Variants in ARID3B observed in about 807,000 individuals in gnomAD.
ARID3B encodes the protein AT-rich interaction domain 3B, also known as AT-rich interactive domain-containing protein 3B.
A neutral mutation model predicts 51.9 loss-of-function variants in ARID3B; 10 were observed. The observed-to-expected ratio is 0.19, with a 90% CI of 0.12 to 0.33. The LOEUF is 0.33. Among genes scored for constraint, ARID3B ranks in the 10% least tolerant of loss-of-function variants. ARID3B has a pLI of 1.00. For synonymous variants in ARID3B, 205 were observed against 279.5 expected (o/e 0.73, Z 2.66); for missense variants, 483 against 716.3 (o/e 0.67, Z 3.72).
intron 5 of ARID3B, among the ~76,000 whole-genome samples, chr15:74,590,746 A>G (rs1341479997): frequency 1.3e-5 from 2 of 152,298 alleles, no homozygotes; most frequent in East Asian, 1.9e-4. Context: ...GACACAAAGA[A>G]TGACAGTGTC....
At chr15:74,565,509 T>A (rs1012775155) in intron 2 of ARID3B, among the ~76,000 whole-genome samples, 1 of 152,196 alleles carries the variant, frequency 6.6e-6, no homozygotes, top group Non-Finnish European at 1.5e-5. Flanking sequence ...CAAGGAAGGG[T>A]TAACCCTTGC....
At chr15:74,557,379 C>G (rs894049976) in intron 2 of ARID3B, among the ~76,000 whole-genome samples, 1 of 151,738 alleles carries the variant, frequency 6.6e-6, no homozygotes, top group Non-Finnish European at 1.5e-5. Flanking sequence ...TGGTGCCATG[C>G]ACTCCAGCCT....
intron 2 of ARID3B, among the ~76,000 whole-genome samples, chr15:74,560,933 A>G (rs2061677681): frequency 6.6e-6 from 1 of 152,116 alleles, no homozygotes; most frequent in African/African-American, 2.4e-5. Context: ...CCGGTGATAT[A>G]TTTTCCCAAA....
chr15:74,589,768 TCTC>T, intron 4 of ARID3B, 49 bp from the exon 5 acceptor site: 4 of 1,538,972 alleles, frequency 2.6e-6, no homozygotes, highest in Middle Eastern at 4.6e-4. Context: ...GAATCTTTCT[TCTC>T]AGCCTGATGA....
At chr15:74,592,853 C>G (rs561085650) in intron 7 of ARID3B, among the ~76,000 whole-genome samples, 19 of 152,324 alleles carry the variant, frequency 1.2e-4, no homozygotes, top group African/African-American at 2.6e-4. Context: ...TTGGAAAGTG[C>G]CAGTGCAGAG....
At chr15:74,579,487 G>T (rs1203872444) in intron 4 of ARID3B, among the ~76,000 whole-genome samples, 1 of 152,076 alleles carries the variant, frequency 6.6e-6, no homozygotes, top group Admixed American at 6.5e-5. Flanking sequence ...GAATGAGAGG[G>T]TTCAATTAGT....
intron 4 of ARID3B, among the ~76,000 whole-genome samples, chr15:74,588,431 C>G (rs563375147): frequency 6.6e-6 from 1 of 152,202 alleles, no homozygotes; most frequent in East Asian, 1.9e-4. Flanking sequence ...AACAGCTCTT[C>G]CCTGCTCAGG....
At chr15:74,582,861 G>A (rs950630646) in intron 4 of ARID3B, among the ~76,000 whole-genome samples, 1 of 152,104 alleles carries the variant, frequency 6.6e-6, no homozygotes, top group Non-Finnish European at 1.5e-5. Context: ...ATAAATAAAT[G>A]TAGCATAGTC....
rs762603944 is a variant in ARID3B at position 74,544,241 on chromosome 15, A to T, written c.305A>T (p.Asp102Val). The T allele has an allele frequency of 6.2e-7, 1 of 1,614,052 alleles. No individual in the cohort carries two copies. Among genetic ancestry groups the T allele is most frequent in the African/African-American group, 1.3e-5 (1 of 74,946 alleles). Residue 102 changes from aspartate to valine, a missense_variant, in exon 2 of 9, where the codon GAT becomes GTT. Physicochemically the swap from Asp to Val is radical, Grantham distance 152. This residue lies in a region of ARID3B where 182 missense variants were observed against 244.5 expected (regional missense o/e 0.74). Coordinates refer to ENST00000346246, the MANE Select transcript of ARID3B (RefSeq NM_006465.4). ...EEEDGGLEDE[D>V]GDDEVAEVAE... Reference sequence around the variant, plus strand: ...GAGGACGGAGGTTTGGAAGATGAGGATGGGGATGATGAAGTTGCAGAGGTG... The same window carrying T: ...GAGGACGGAGGTTTGGAAGATGAGGTTGGGGATGATGAAGTTGCAGAGGTG...
intron 4 of ARID3B, among the ~76,000 whole-genome samples, chr15:74,576,947 CT>C (rs1003142070): frequency 6.6e-6 from 1 of 152,216 alleles, no homozygotes; most frequent in Non-Finnish European, 1.5e-5. Flanking sequence ...GATGGGTCAG[CT>C]GGCATGAGAC....
intron 2 of ARID3B, among the ~76,000 whole-genome samples, chr15:74,555,286 A>G (rs2061653465): frequency 6.6e-6 from 1 of 152,078 alleles, no homozygotes; most frequent in African/African-American, 2.4e-5. Context: ...TGGCTGTGGC[A>G]ATTTCATAGA....
Position 74,543,913 on chromosome 15 carries a change from CTG to C in ARID3B, c.-21_-20del. 1 of 1,592,190 alleles carries C rather than the reference CTG, an allele frequency of 6.3e-7. No homozygotes were observed. Among genetic ancestry groups the C allele is most frequent in the Non-Finnish European group, 8.6e-7 (1 of 1,169,320 alleles). On this transcript the variant is annotated 5_prime_UTR_variant, in exon 2 of 9. The change abolishes the stop of an existing upstream ORF in the 5' untranslated region. Transcript: ENST00000346246. ...TGCCCAGGTTCAGAGTCATGCCACT[CTG>C]TGGGTGAAGCTTGAGGCAAAAATGG...
At position 74,563,894 on chromosome 15, in the gene ARID3B, C is replaced by T. The variant is rs74025814; in HGVS notation, c.553-8968C>T. Among the ~76,000 whole-genome samples, 742 of 152,298 alleles carry T rather than the reference C, an allele frequency of 4.9e-3. 12 individuals are homozygous for T. The highest frequency in any genetic ancestry group is 0.017 in the African/African-American group (706 of 41,570). The stretch of plus-strand genomic sequence containing the variant: ...TTCTGGGAAGTCTTCTTGATCATTG[C>T]ATGGAGTGATTCTGTGCTTAGTGGA... On this transcript the variant is annotated intron_variant, in intron 2 of 8. Transcript: ENST00000346246.
intron 2 of ARID3B, among the ~76,000 whole-genome samples, chr15:74,566,631 T>C (rs1379203727): frequency 6.6e-6 from 1 of 151,416 alleles, no homozygotes; most frequent in Non-Finnish European, 1.5e-5. Flanking sequence ...ACTAAATAAA[T>C]TTTGTGAAGG....
chr15:74,594,191 G>A (rs187952641), intron 8 of ARID3B, among the ~76,000 whole-genome samples: 2 of 152,310 alleles, frequency 1.3e-5, no homozygotes, highest in East Asian at 1.9e-4. Context: ...GCTCACGCCT[G>A]TAATCCCAGC....
chr15:74,577,462 AAAAG>A (rs1057358100), intron 4 of ARID3B, among the ~76,000 whole-genome samples: 2 of 152,132 alleles, frequency 1.3e-5, no homozygotes, highest in Non-Finnish European at 2.9e-5. Flanking sequence ...TCAGAAATAA[AAAAG>A]AAGAAGAAAA....
intron 4 of ARID3B, among the ~76,000 whole-genome samples, chr15:74,586,025 G>A (rs1022299319): frequency 1.3e-5 from 2 of 152,246 alleles, no homozygotes; most frequent in Non-Finnish European, 2.9e-5. Context: ...CAGCCACAGG[G>A]AATAATGCGC....
At chr15:74,588,779 C>G (rs1246262744) in intron 4 of ARID3B, among the ~76,000 whole-genome samples, 1 of 152,054 alleles carries the variant, frequency 6.6e-6, no homozygotes, top group South Asian at 2.1e-4. Context: ...CTAATCAAGT[C>G]CCTGGCTCCT....
At chr15:74,553,691 A>G (rs1596251697) in intron 2 of ARID3B, among the ~76,000 whole-genome samples, 1 of 152,192 alleles carries the variant, frequency 6.6e-6, no homozygotes, top group Non-Finnish European at 1.5e-5. Flanking sequence ...ATTAGTTTCT[A>G]TAAATGTTCC....
Sources: allele counts gnomAD v4.1 joint callset (sites outside exome capture counted in the v4.1 genomes callset), GRCh38; gene constraint gnomAD v4.1.1; regional missense constraint gnomAD v4.1.1; transcripts MANE v1.5; gene names NCBI Gene and HGNC (gene_info 2026-07-23, HGNC 2026-07-21).